The following MOG variants were observed in gnomAD, a reference collection of about 807,000 sequenced individuals.
The protein encoded by MOG is myelin oligodendrocyte glycoprotein.
In MOG, 20 loss-of-function variants were observed where a neutral mutation model predicts 35.9. The observed-to-expected ratio is 0.56, with a 90% CI of 0.39 to 0.81. The LOEUF (loss-of-function observed/expected upper bound fraction) is 0.81. Ranked by LOEUF, MOG falls within the 30% of genes least tolerant of loss-of-function variation. The pLI is 0.00. For missense variants in MOG, 251 were observed against 301.0 expected, an observed-to-expected ratio of 0.83 and a Z score of 1.23; for synonymous variants, 92 against 114.3, an observed-to-expected ratio of 0.80 and a Z score of 1.25.
intron 2 of MOG, among the ~76,000 whole-genome samples, chr6:29,664,989 G>C (rs768650282): frequency 3.3e-5 from 5 of 152,106 alleles, no homozygotes; most frequent in Non-Finnish European, 5.9e-5. Context: ...ACAAGAGTTA[G>C]GGTGACCCTA....
intron 5 of MOG, among the ~76,000 whole-genome samples, chr6:29,668,659 C>G (rs1770735350): frequency 6.6e-6 from 1 of 151,890 alleles, no homozygotes; most frequent in Non-Finnish European, 1.5e-5. Context: ...GGAAATTAGA[C>G]CAGTGTGTGG....
intron 2 of MOG, 27 bp from the exon 3 acceptor site, chr6:29,666,125 A>T (rs762352239): frequency 9.5e-5 from 137 of 1,442,834 alleles, no homozygotes; most frequent in Non-Finnish European, 1.3e-4. Flanking sequence ...GCTCTGGACA[A>T]TGTCAAATGT....
rs893096574 is a variant in MOG at position 29,667,924 on chromosome 6, G to C, written c.592G>C (p.Asp198His). ...TTCAGAGAATCTCCACCGGACTTTT[G>C]GTAAGTTCCGGCATGTCTAGGCCCT... ...AEIENLHRTF[D>H]PHFLRVPCWK... The change falls in exon 5 of 8, where the codon GAT becomes CAT. Residue 198 changes from aspartate to histidine, a missense_variant and splice_region_variant. Physicochemically the swap from Asp to His is moderately conservative, Grantham distance 81. Transcript: ENST00000376917. 3 of 1,612,994 alleles carry C rather than the reference G, an allele frequency of 1.9e-6. No homozygotes were observed. In the African/African-American group the frequency reaches 4.0e-5, roughly 22 times the overall value.
intron 5 of MOG, 79 bp downstream of exon 5, chr6:29,668,003 C>G: frequency 7.3e-7 from 1 of 1,373,592 alleles, no homozygotes; most frequent in Non-Finnish European, 1.0e-6. Flanking sequence ...GGAACAAGGA[C>G]CCCTGGCTCC....
At chr6:29,659,937 C>T in intron 2 of MOG, 1 of 562,568 alleles carries the variant, frequency 1.8e-6, no homozygotes, top group Non-Finnish European at 3.2e-6. Context: ...ATTATGCAGG[C>T]ATTAAAAAGA....
Position 29,666,256 on chromosome 6 carries a change from AG to A in MOG, c.542del (p.Arg181AsnfsTer2), listed in dbSNP as rs755626583. Reference sequence around the variant, plus strand: ...CCTCATCTTCCTCTGCCTGCAGTACAGACTGAGAGGTACAGGGCAGAGGGTG... The same window carrying A: ...CCTCATCTTCCTCTGCCTGCAGTACAACTGAGAGGTACAGGGCAGAGGGTG... ...VGLIFLCLQYRLRGKLRAEIE... is the reference protein window; with the variant it reads ...VGLIFLCLQYXLRGKLRAEIE... On this transcript the variant is annotated frameshift_variant, in exon 3 of 8. Transcript: ENST00000376917. LOFTEE classifies it high-confidence loss of function. The A allele has an allele frequency of 1.3e-6, 2 of 1,598,258 alleles. No individual in the cohort carries two copies. The highest frequency in any genetic ancestry group is 3.3e-5 in the Admixed American group (2 of 59,972).
intron 2 of MOG, among the ~76,000 whole-genome samples, chr6:29,660,357 TA>T (rs1768284113): frequency 8.2e-6 from 1 of 122,224 alleles, no homozygotes; most frequent in Non-Finnish European, 1.7e-5. Context: ...CCGTCTCTAC[TA>T]AAAATACAAA....
rs1050549465 is a variant in MOG at position 29,671,513 on chromosome 6, T to C, written c.*328T>C. On this transcript the variant is annotated 3_prime_UTR_variant, in exon 8 of 8. Coordinates refer to ENST00000376917, the MANE Select transcript of MOG (RefSeq NM_206809.4). ...TGTACTGGAGAGCAACACAGGATGG[T>C]CTCTGCCATGAACTGGAGGCCAGGA... 8.0e-6 allele frequency: 9 copies of C among 1,121,314 alleles called. No individual in the cohort carries two copies. The African/African-American group carries it at 1.2e-4, about 15-fold the overall frequency. The allele number at this position is 1,121,314 out of a possible 1,614,324, so 69.5% of individuals were successfully genotyped here.
chr6:29,670,018 CTCGGACTCCCAGAG>C lies in MOG; in HGVS notation c.593-261_593-248del. The C allele has an allele frequency of 1.4e-6, 1 of 710,284 alleles. No individual in the cohort carries two copies. Among genetic ancestry groups the C allele is most frequent in the South Asian group, 1.5e-5 (1 of 64,718 alleles). The allele number at this position is 710,284 out of a possible 1,614,324, so 44.0% of individuals were successfully genotyped here. A position where few individuals can be genotyped will look rare whatever the true frequency, so the allele number is the denominator to read the frequency against. ...ACTCTTGGCCTCATGATCCACCCGT[CTCGGACTCCCAGAG>C]TGTTGGGATTACAGGCATGAGCCAC... On this transcript the variant is annotated intron_variant, in intron 5 of 7. Transcript: ENST00000376917. The surrounding 1 kb of genome is among the most constrained non-coding windows in gnomAD (Gnocchi z 4.2).
rs200245124 is a variant in MOG, at chr6:29,672,289, AAAATAAAT to A, written c.*1144_*1151del. 0.083 allele frequency: 14,006 copies of A among 167,888 alleles called. 686 individuals carry two copies. Among genetic ancestry groups the A allele is most frequent in the African/African-American group, 0.14 (5,495 of 38,314 alleles). The allele number at this position is 167,888 out of a possible 1,614,324, so 10.4% of individuals were successfully genotyped here. On this transcript the variant is annotated 3_prime_UTR_variant, in exon 8 of 8. Transcript: ENST00000376917. ...AGTGACAGAGTAAGACTCTGTCTCAAAAATAAATAAATAAATAAATAAATAAATAAATA... is the reference window on the plus strand; with the variant it reads ...AGTGACAGAGTAAGACTCTGTCTCAAAAATAAATAAATAAATAAATAAATA...
At chr6:29,664,026 A>C (rs1769562912) in intron 2 of MOG, 1 of 396,838 alleles carries the variant, frequency 2.5e-6, no homozygotes, top group African/African-American at 2.2e-5. Flanking sequence ...TGGCACATGG[A>C]GATTAGAGTG....
chr6:29,666,697 C>G (rs1324658671), intron 3 of MOG, among the ~76,000 whole-genome samples: 4 of 152,160 alleles, frequency 2.6e-5, no homozygotes, highest in Admixed American at 2.6e-4. Context: ...AAGTGAAAGT[C>G]TCTACCACAC....
intron 3 of MOG, 148 bp downstream of exon 3, chr6:29,666,413 T>C (rs1003337795): frequency 2.0e-5 from 12 of 611,158 alleles, no homozygotes; most frequent in Non-Finnish European, 1.5e-5. Flanking sequence ...AATAACTCCA[T>C]GATGAAAGAG....
intron 2 of MOG, among the ~76,000 whole-genome samples, chr6:29,663,736 T>C (rs1362292009): frequency 6.6e-6 from 1 of 152,176 alleles, no homozygotes; most frequent in Non-Finnish European, 1.5e-5. Flanking sequence ...TGTGGGGGGT[T>C]GGGAGAAAAA....
At position 29,670,720 on chromosome 6, in the gene MOG, A is replaced by G; in HGVS notation, c.729A>G (p.Leu243=). 1 of 1,612,282 alleles carries G rather than the reference A, an allele frequency of 6.2e-7. No individual in the cohort carries two copies. Among genetic ancestry groups the G allele is most frequent in the Non-Finnish European group, 8.5e-7 (1 of 1,179,552 alleles). The change falls in exon 7 of 8, where the codon CTA becomes CTG. Residue 243 remains leucine (L), a splice_region_variant and synonymous_variant. Coordinates refer to ENST00000376917, the MANE Select transcript of MOG (RefSeq NM_206809.4). This position sits in a 1 kb window ranked among gnomAD's most constrained non-coding sequence, Gnocchi z 4.2. ...RRLAGQFLEE[L]RNPF The stretch of plus-strand genomic sequence containing the variant: ...TTTCAGGGCAATTCCTTGAAGAGCT[A>G]CGTAAGTTCTCTTCTCTCTGTTATA...
chr6:29,663,206 A>G (rs113335184), intron 2 of MOG, among the ~76,000 whole-genome samples: 2,070 of 141,048 alleles, frequency 0.015, 39 homozygotes, highest in African/African-American at 0.05. Context: ...CGGGAGGCGG[A>G]GCTTGCAGTG....
intron 2 of MOG, among the ~76,000 whole-genome samples, chr6:29,663,629 A>G (rs2127513084): frequency 6.6e-6 from 1 of 152,356 alleles, no homozygotes; most frequent in South Asian, 2.1e-4. Context: ...TGGCAAATAT[A>G]GTTCATCAGT....
intron 2 of MOG, among the ~76,000 whole-genome samples, chr6:29,665,254 G>A (rs1026324414): frequency 2.6e-5 from 4 of 152,010 alleles, no homozygotes; most frequent in Middle Eastern, 3.4e-3. Context: ...GTGCCACCAC[G>A]TCCAGCTAAT....
At chr6:29,661,322 A>C in intron 2 of MOG, 25 of 953,666 alleles carry the variant, frequency 2.6e-5, no homozygotes, top group South Asian at 4.8e-5. Flanking sequence ...CACTATTTCT[A>C]GAGACTGCCT....
Sources: gnomAD v4.1 joint callset for allele counts (sites outside exome capture counted in the v4.1 genomes callset) on GRCh38, gnomAD v4.1.1 for gene constraint, Gnocchi (gnomAD v3.1) non-coding constraint, MANE v1.5 for transcripts, NCBI Gene and HGNC (gene_info 2026-07-23, HGNC 2026-07-21) for gene names.